The following ATG5 variants were observed in gnomAD, a reference collection of about 807,000 sequenced individuals.
The protein encoded by ATG5 is autophagy related 5, also known as autophagy protein 5.
A neutral mutation model predicts 36.5 loss-of-function variants in ATG5; 14 were observed. That is an observed-to-expected ratio of 0.38 (90% CI 0.25 to 0.60). The LOEUF is 0.60. ATG5 is among the 20% of genes least tolerant of loss of function. The pLI is 0.60. For missense variants in ATG5, 195 were observed against 326.7 expected, an observed-to-expected ratio of 0.60 and a Z score of 3.11; for synonymous variants, 95 against 101.5, an observed-to-expected ratio of 0.94 and a Z score of 0.38.
chr6:106,201,796 T>C, intron 7 of ATG5, 176 bp downstream of exon 7: 1 of 384,594 alleles, frequency 2.6e-6, no homozygotes, highest in Non-Finnish European at 4.6e-6. Flanking sequence ...ATTTTGTTAG[T>C]CAATAATTTA....
At chr6:106,188,875 A>T (rs567619414) in intron 7 of ATG5, among the ~76,000 whole-genome samples, 1 of 152,326 alleles carries the variant, frequency 6.6e-6, no homozygotes, top group East Asian at 1.9e-4. Flanking sequence ...CACTGCCTAC[A>T]TATGTCCAAA....
chr6:106,214,443 G>C (rs1240235080), intron 6 of ATG5, among the ~76,000 whole-genome samples: 1 of 152,032 alleles, frequency 6.6e-6, no homozygotes, highest in East Asian at 1.9e-4. Context: ...ACTTTTAATA[G>C]TCTTGACAAC....
In ATG5 at chr6:106,316,092, T is replaced by G. The variant is rs1770836960; in HGVS notation, c.108+9A>C. ...TAAATATCCCATTTGCCACAATCAA[T>G]GTACTTACATAGTATGGTTCTGCTT... On this transcript the variant is annotated intron_variant, in intron 2 of 7. Coordinates refer to ENST00000369076, the MANE Select transcript of ATG5 (RefSeq NM_004849.4). 2 of 1,595,390 alleles carry G rather than the reference T, an allele frequency of 1.3e-6. No individual in the cohort carries two copies. The highest frequency in any genetic ancestry group is 1.7e-6 in the Non-Finnish European group (2 of 1,168,786).
intron 4 of ATG5, among the ~76,000 whole-genome samples, chr6:106,286,647 A>T (rs1387768739): frequency 6.6e-6 from 1 of 152,150 alleles, no homozygotes; most frequent in Admixed American, 6.5e-5. Context: ...ATGTTACCCC[A>T]GTGATTAAGT....
rs894534257 is a variant in ATG5 at position 106,185,762 on chromosome 6, C to G, written c.*778G>C. ...TAAAGAACACAGGTTTTTTAATTGG[C>G]AGCAAGAAATTCTATGACAGCTTCT... is the stretch of plus-strand genomic sequence containing the variant. On this transcript the variant is annotated 3_prime_UTR_variant, in exon 8 of 8. Transcript: ENST00000369076. 6.6e-6 allele frequency: 1 copy of G among 152,260 alleles called. No individual in the cohort carries two copies. 9.4% of individuals were successfully genotyped at this position (152,260 alleles called of 1,614,324 possible). A position where few individuals can be genotyped will look rare whatever the true frequency, so the allele number is the denominator to read the frequency against.
chr6:106,294,546 T>C (rs1235459204), intron 3 of ATG5, among the ~76,000 whole-genome samples: 1 of 151,950 alleles, frequency 6.6e-6, no homozygotes, highest in Non-Finnish European at 1.5e-5. Context: ...GGCTGGGTAC[T>C]GTAACTCAAG....
At chr6:106,204,899 C>G (rs962897344) in intron 6 of ATG5, among the ~76,000 whole-genome samples, 5 of 152,098 alleles carry the variant, frequency 3.3e-5, no homozygotes, top group African/African-American at 1.2e-4. Flanking sequence ...CTTTCTCATA[C>G]AAGTTGAAAC....
At chr6:106,289,715 T>C in intron 4 of ATG5, among the ~76,000 whole-genome samples, 1 of 152,090 alleles carries the variant, frequency 6.6e-6, no homozygotes, top group East Asian at 1.9e-4. Context: ...AAAACCACTA[T>C]ACATTAACAC....
chr6:106,268,960 T>C (rs1779333294), intron 5 of ATG5, among the ~76,000 whole-genome samples: 2 of 152,212 alleles, frequency 1.3e-5, no homozygotes, highest in African/African-American at 4.8e-5. Context: ...GACGGGTTGA[T>C]AGGTGCAGCA....
intron 7 of ATG5, among the ~76,000 whole-genome samples, chr6:106,189,740 C>T (rs1457177115): frequency 6.6e-6 from 1 of 151,380 alleles, no homozygotes; most frequent in African/African-American, 2.4e-5. Context: ...GTAAACATGT[C>T]TTTTTGTTTC....
intron 3 of ATG5, among the ~76,000 whole-genome samples, chr6:106,302,776 T>A (rs1770270891): frequency 6.6e-6 from 1 of 151,856 alleles, no homozygotes; most frequent in African/African-American, 2.4e-5. Context: ...ATTAAACACA[T>A]TTCTAAAAAA....
chr6:106,292,557 TG>T (rs1457853084), intron 4 of ATG5, among the ~76,000 whole-genome samples: 2 of 152,228 alleles, frequency 1.3e-5, no homozygotes, highest in Admixed American at 6.5e-5. Context: ...AGTATTAGGT[TG>T]TCCCCTCTGT....
At position 106,303,974 on chromosome 6, in the gene ATG5, GA is replaced by G. The variant is rs202110655; in HGVS notation, c.236+4389del. Among the ~76,000 whole-genome samples, 127 of 124,688 alleles carry G rather than the reference GA, an allele frequency of 1.0e-3. 1 individual carries two copies. Among genetic ancestry groups the G allele is most frequent in the Non-Finnish European group, 1.1e-3 (64 of 57,706 alleles). The allele number at this position is 124,688 out of a possible 152,430, so 81.8% of individuals were successfully genotyped here. A position where few individuals can be genotyped will look rare whatever the true frequency, so the allele number is the denominator to read the frequency against. On this transcript the variant is annotated intron_variant, in intron 3 of 7. Coordinates refer to ENST00000369076, the MANE Select transcript of ATG5 (RefSeq NM_004849.4). ...TAGAAGTTCTAGCTACTCCAATAAGGAAAAAAAAAAAAAGAAGAAAAGAAAT... is the reference window on the plus strand; with the variant it reads ...TAGAAGTTCTAGCTACTCCAATAAGGAAAAAAAAAAAAGAAGAAAAGAAAT...
chr6:106,304,224 T>G (rs1770339208), intron 3 of ATG5: 1 of 152,126 alleles, frequency 6.6e-6, no homozygotes, highest in African/African-American at 2.4e-5. Flanking sequence ...ATACAGAGAT[T>G]AGCATGGCCC....
chr6:106,237,648 T>G (rs1453943998), intron 6 of ATG5, among the ~76,000 whole-genome samples: 1 of 152,198 alleles, frequency 6.6e-6, no homozygotes, highest in Non-Finnish European at 1.5e-5. Context: ...CCATAATACT[T>G]TGTTGTACAA....
intron 7 of ATG5, among the ~76,000 whole-genome samples, chr6:106,189,547 G>A (rs1230449322): frequency 6.6e-6 from 1 of 151,942 alleles, no homozygotes; most frequent in Non-Finnish European, 1.5e-5. Flanking sequence ...CCTGAGCCCA[G>A]GAGGTCAAGG....
At chr6:106,256,475 C>A (rs1299819990) in intron 5 of ATG5, among the ~76,000 whole-genome samples, 1 of 152,148 alleles carries the variant, frequency 6.6e-6, no homozygotes, top group Non-Finnish European at 1.5e-5. Flanking sequence ...ATATAGCCAG[C>A]GTTAACAACC....
In ATG5 at chr6:106,280,475, A is replaced by G. The variant is rs148512824; in HGVS notation, c.316-652T>C. ...ACTAGGTTAAGCTTACTATAAGTCA[A>G]TTAGACCTCAATAAAGCTGTTAAAA... On this transcript the variant is annotated intron_variant, in intron 4 of 7. Transcript: ENST00000369076. 1.1e-3 allele frequency among the ~76,000 whole-genome samples: 163 copies of G among 152,248 alleles called. 1 individual carries two copies. The highest frequency in any genetic ancestry group is 3.7e-3 in the African/African-American group (155 of 41,580).
chr6:106,242,229 C>T (rs960971284), intron 6 of ATG5, among the ~76,000 whole-genome samples: 1 of 152,144 alleles, frequency 6.6e-6, no homozygotes, highest in Non-Finnish European at 1.5e-5. Context: ...AACCGCCTGC[C>T]TCAGCTTCCC....
Sources: gnomAD v4.1 joint callset for allele counts (sites outside exome capture counted in the v4.1 genomes callset) on GRCh38, gnomAD v4.1.1 for gene constraint, MANE v1.5 for transcripts, NCBI Gene and HGNC (gene_info 2026-07-23, HGNC 2026-07-21) for gene names.